SLC6A16: variants seen among roughly 807,000 people sequenced by gnomAD.
SLC6A16 encodes orphan sodium- and chloride-dependent neurotransmitter transporter NTT5.
In SLC6A16, 54 loss-of-function variants were observed where a neutral mutation model predicts 65.4. The observed-to-expected ratio is 0.83, with a 90% CI of 0.66 to 1.04. SLC6A16 has a LOEUF of 1.04. Among genes scored for constraint, SLC6A16 ranks in the 50% least tolerant of loss-of-function variants. The probability of loss-of-function intolerance (pLI) is 0.00; values close to 1 mark genes in which losing one functional copy is unlikely to be tolerated. For missense variants in SLC6A16, 816 were observed against 914.0 expected (o/e 0.89, Z 1.38); for synonymous variants, 330 against 346.5 (o/e 0.95, Z 0.53).
At chr19:49,311,948 C>CTT (rs576514117) in intron 1 of SLC6A16, among the ~76,000 whole-genome samples, 3 of 142,706 alleles carry the variant, frequency 2.1e-5, no homozygotes, top group African/African-American at 7.7e-5. Flanking sequence ...CAAAGGATTT[C>CTT]TTTTTTTTTT....
chr19:49,325,240 G>GCC, upstream of SLC6A16: 1 of 984,452 alleles, frequency 1.0e-6, no homozygotes. Flanking sequence ...GCGCCGCCGC[G>GCC]CCCCCTCACT....
At chr19:49,338,242 A>G in the SLC6A16 span, 1 of 1,351,808 alleles carries the variant, frequency 7.4e-7, no homozygotes, top group Non-Finnish European at 9.6e-7. This position sits in a 1 kb window ranked among gnomAD's most constrained non-coding sequence, Gnocchi z 5.0. Context: ...TGGCTTCGCC[A>G]TCTACCTCGA....
rs1970473875 is a variant in SLC6A16, at chr19:49,309,754, A to T, written c.773T>A (p.Ile258Asn). The T allele has an allele frequency of 2.5e-6, 4 of 1,614,074 alleles. No homozygotes were observed. The highest frequency in any genetic ancestry group is 3.4e-6 in the Non-Finnish European group (4 of 1,179,972). Residue 258 changes from isoleucine (I) to asparagine (N), a missense_variant, in exon 5 of 12, where the codon ATC becomes AAC. Coordinates refer to ENST00000335875, the MANE Select transcript of SLC6A16 (RefSeq NM_014037.3). ...GTAGACTGGTGACCCGCCATCCTCG[A>T]TTCTGTCTGAGGCCTTCAAGGCCTG... ...YQQALKASDR[I>N]EDGGSPVYSL...
intron 7 of SLC6A16, among the ~76,000 whole-genome samples, chr19:49,297,589 T>C (rs1970208804): frequency 6.6e-6 from 1 of 152,080 alleles, no homozygotes; most frequent in Non-Finnish European, 1.5e-5. Flanking sequence ...CTCTTAGGTG[T>C]TTATCCAAGA....
At chr19:49,334,647 C>T in the SLC6A16 span, among the ~76,000 whole-genome samples, 1 of 146,826 alleles carries the variant, frequency 6.8e-6, no homozygotes, top group Non-Finnish European at 1.5e-5. Flanking sequence ...CCTGGGCAAC[C>T]TAGTGAGACC....
At chr19:49,301,976 C>A (rs546366113) in intron 7 of SLC6A16, among the ~76,000 whole-genome samples, 1 of 152,224 alleles carries the variant, frequency 6.6e-6, no homozygotes, top group African/African-American at 2.4e-5. Flanking sequence ...CTAGGCCCCG[C>A]GGCTGCATGT....
intron 7 of SLC6A16, among the ~76,000 whole-genome samples, chr19:49,305,139 G>A (rs80312125): frequency 0.015 from 2,242 of 152,236 alleles, 60 homozygotes; most frequent in African/African-American, 0.051. Context: ...CCTATACTTC[G>A]CTTCAAGACA....
At position 49,319,486 on chromosome 19, in the gene SLC6A16, T is replaced by C. The variant is rs1392474322; in HGVS notation, c.-65+5562A>G. ...GTGTATATGTGTATATGTATATACA[T>C]ATACTTATACATATATGTGTATATG... On this transcript the variant is annotated intron_variant, in intron 1 of 11. Transcript: ENST00000335875. Among the ~76,000 whole-genome samples, 5 of 150,684 alleles carry C rather than the reference T, an allele frequency of 3.3e-5. No homozygotes were observed. In the East Asian group the frequency reaches 7.7e-4, roughly 23 times the overall value.
the SLC6A16 span, chr19:49,340,165 C>A: frequency 6.6e-7 from 1 of 1,523,328 alleles, no homozygotes; most frequent in Non-Finnish European, 9.0e-7. Flanking sequence ...ACGGCCCCAC[C>A]CCTGACCTTT....
In SLC6A16 at chr19:49,299,204, C is replaced by T. The variant is rs886280404; in HGVS notation, c.1230-4651G>A. Among the ~76,000 whole-genome samples the T allele has an allele frequency of 2.1e-4, 31 of 149,064 alleles. 1 individual carries two copies. Among genetic ancestry groups the T allele is most frequent in the Admixed American group, 1.0e-3 (15 of 14,974 alleles). On this transcript the variant is annotated intron_variant, in intron 7 of 11. Transcript: ENST00000335875. ...GAGGTTACAGTGAGCCGAGATCGCA[C>T]CTCTGCAGTCCAGCCTGGGCAACAG...
At chr19:49,302,763 A>G (rs562796711) in intron 7 of SLC6A16, among the ~76,000 whole-genome samples, 2 of 152,356 alleles carry the variant, frequency 1.3e-5, no homozygotes, top group East Asian at 3.9e-4. Flanking sequence ...AGAACAACGA[A>G]AGAAGAGGCT....
At chr19:49,326,123 T>C (rs981137612), upstream of SLC6A16, among the ~76,000 whole-genome samples, 1 of 151,508 alleles carries the variant, frequency 6.6e-6, no homozygotes, top group African/African-American at 2.4e-5. Flanking sequence ...TGAGCCGAGA[T>C]TTTGCCACTG....
rs1049062804 is a variant in SLC6A16, at chr19:49,312,555, G to C, written c.-64-1144C>G. 4.1e-6 allele frequency: 4 copies of C among 984,646 alleles called. No homozygotes were observed. In the African/African-American group the frequency reaches 7.0e-5, roughly 17 times the overall value. The allele number at this position is 984,646 out of a possible 1,614,324, so 61.0% of individuals were successfully genotyped here. ...TCTCCTCCTTATTCTCCAAGTTCCC[G>C]CCACTCTGAACTTCTGTTGGCTCTT... On this transcript the variant is annotated intron_variant, in intron 1 of 11. Coordinates refer to ENST00000335875, the MANE Select transcript of SLC6A16 (RefSeq NM_014037.3).
chr19:49,330,368 T>C, the SLC6A16 span, among the ~76,000 whole-genome samples: 3 of 152,270 alleles, frequency 2.0e-5, no homozygotes, highest in African/African-American at 7.2e-5. Context: ...GGCATATAAA[T>C]TGGTAAGTCA....
intron 1 of SLC6A16, among the ~76,000 whole-genome samples, chr19:49,319,769 C>T (rs1970679037): frequency 6.6e-6 from 1 of 152,058 alleles, no homozygotes; most frequent in African/African-American, 2.4e-5. Context: ...ACATTCTTCT[C>T]AAGTGCACAT....
At position 49,310,378 on chromosome 19, in the gene SLC6A16, C is replaced by T; in HGVS notation, c.548G>A (p.Gly183Asp). 1.2e-6 allele frequency: 2 copies of T among 1,614,062 alleles called. No individual in the cohort carries two copies. The highest frequency in any genetic ancestry group is 1.7e-6 in the Non-Finnish European group (2 of 1,179,992). Residue 183 changes from glycine (G) to aspartate (D), a missense_variant, in exon 3 of 12, where the codon GGT becomes GAT. Gly to Asp is a moderately conservative substitution (Grantham distance 94). Coordinates refer to ENST00000335875, the MANE Select transcript of SLC6A16 (RefSeq NM_014037.3). Reference protein sequence around the residue: ...GVWKIIAPWIGGVGYSSFMVC... With the variant: ...GVWKIIAPWIDGVGYSSFMVC... ...CATGAAGCTAGAATACCCCACACCA[C>T]CAATCCAGGGGGCAATGATCTTCCA...
chr19:49,335,359 C>T, the SLC6A16 span: 2 of 611,664 alleles, frequency 3.3e-6, no homozygotes, highest in Non-Finnish European at 5.8e-6. The surrounding 1 kb of genome is among the most constrained non-coding windows in gnomAD (Gnocchi z 4.6). Flanking sequence ...GACAGAAAGC[C>T]ACCTTACATG....
chr19:49,322,448 C>T (rs905475945), intron 1 of SLC6A16, among the ~76,000 whole-genome samples: 2 of 151,970 alleles, frequency 1.3e-5, no homozygotes, highest in African/African-American at 4.8e-5. Flanking sequence ...CGAGACCAGC[C>T]TGACGAACAT....
chr19:49,299,731 G>T (rs1228415337), intron 7 of SLC6A16, among the ~76,000 whole-genome samples: 2 of 151,694 alleles, frequency 1.3e-5, no homozygotes. Flanking sequence ...TATCACTAAA[G>T]AATAATTTAG....
Sources: allele counts gnomAD v4.1 joint callset (sites outside exome capture counted in the v4.1 genomes callset), GRCh38; gene constraint gnomAD v4.1.1; non-coding constraint Gnocchi (gnomAD v3.1); transcripts MANE v1.5; gene names NCBI Gene and HGNC (gene_info 2026-07-23, HGNC 2026-07-21).